The following SNRPN variants were observed in gnomAD, a reference collection of about 807,000 sequenced individuals.
SNRPN encodes small nuclear ribonucleoprotein polypeptide N, also known as small nuclear ribonucleoprotein-associated protein N.
A neutral mutation model predicts 25.2 loss-of-function variants in SNRPN; 7 were observed. That is an observed-to-expected ratio of 0.28 (90% confidence interval 0.16 to 0.52). The LOEUF (loss-of-function observed/expected upper bound fraction) is 0.52. Among genes scored for constraint, SNRPN ranks in the 20% least tolerant of loss-of-function variants. SNRPN has a pLI of 0.96. For missense variants in SNRPN, 196 were observed against 322.5 expected (o/e 0.61, Z 3.00); for synonymous variants, 124 against 110.6 (o/e 1.12, Z -0.76).
intron 1 of SNRPN, among the ~76,000 whole-genome samples, chr15:24,875,946 C>T (rs1005078474): frequency 1.3e-5 from 2 of 151,366 alleles, no homozygotes; most frequent in East Asian, 2.0e-4. Context: ...CCTAGCTACT[C>T]GGGAGGCTGA....
chr15:24,843,326 G>A (rs866295073), intron 2 of SNRPN, among the ~76,000 whole-genome samples: 7 of 152,242 alleles, frequency 4.6e-5, no homozygotes, highest in Admixed American at 2.6e-4. Flanking sequence ...AGATCTTAGC[G>A]CTGAGATGCT....
chr15:24,871,556 C>A (rs148924300), intron 1 of SNRPN, among the ~76,000 whole-genome samples: 4 of 151,854 alleles, frequency 2.6e-5, no homozygotes, highest in African/African-American at 9.7e-5. Context: ...TTTTTATGTG[C>A]CCTTTGGGGA....
chr15:24,924,795 T>A lies in SNRPN; in HGVS notation c.-391+4671T>A, dbSNP rs150447084. Among the ~76,000 whole-genome samples, 354 of 152,022 alleles carry A rather than the reference T, an allele frequency of 2.3e-3. 2 individuals carry two copies. The highest frequency in any genetic ancestry group is 8.0e-3 in the African/African-American group (331 of 41,482). ...TGAGTTACCATGCCCAGGCTAGGGG[T>A]GGCATTTCCTGAACTCCTTCAGCCC... On this transcript the variant is annotated intron_variant, in intron 3 of 11. Transcript: ENST00000400097.
At chr15:24,928,392 G>A (rs941110602) in intron 3 of SNRPN, among the ~76,000 whole-genome samples, 1 of 151,442 alleles carries the variant, frequency 6.6e-6, no homozygotes, top group Non-Finnish European at 1.5e-5. Context: ...ATACTATTTA[G>A]CCATAAAAAA....
At chr15:24,877,509 G>A (rs1419818367) in intron 1 of SNRPN, among the ~76,000 whole-genome samples, 1 of 152,224 alleles carries the variant, frequency 6.6e-6, no homozygotes, top group Non-Finnish European at 1.5e-5. Context: ...TAAACATAAT[G>A]CATAGATGCT....
At chr15:24,902,555 G>T (rs2058530549) in intron 2 of SNRPN, among the ~76,000 whole-genome samples, 1 of 152,124 alleles carries the variant, frequency 6.6e-6, no homozygotes, top group Admixed American at 6.5e-5. Flanking sequence ...GTGCACCCTG[G>T]CAGTGAGTGT....
At chr15:24,974,854 G>A in intron 4 of SNRPN, 1 of 697,180 alleles carries the variant, frequency 1.4e-6, no homozygotes, top group South Asian at 1.5e-5. Flanking sequence ...ATGAGCCACT[G>A]TGCCTGGCCA....
rs72120147 is a variant in SNRPN, at chr15:24,877,661, A to AACACACACAC, written c.-578-8829_-578-8820dup. ...CCAATATGGTGAAACATCTCTACAA[A>AACACACACAC]ACACACACACACACACACACACACA... is the stretch of plus-strand genomic sequence containing the variant. On this transcript the variant is annotated intron_variant, in intron 1 of 11. Coordinates refer to the SNRPN transcript ENST00000400097. 3.6e-3 allele frequency among the ~76,000 whole-genome samples: 515 copies of AACACACACAC among 144,750 alleles called. 3 individuals are homozygous for AACACACACAC. Among genetic ancestry groups the AACACACACAC allele is most frequent in the African/African-American group, 0.012 (468 of 39,070 alleles). 95.0% of individuals were successfully genotyped at this position (144,750 alleles called of 152,430 possible).
chr15:24,852,727 C>G (rs1163695197), upstream of SNRPN, among the ~76,000 whole-genome samples: 1 of 152,062 alleles, frequency 6.6e-6, no homozygotes. Context: ...CAATTCAAGA[C>G]CAATCTGGGC....
intron 1 of SNRPN, among the ~76,000 whole-genome samples, chr15:24,956,699 GA>G (rs1228004319): frequency 6.6e-6 from 1 of 152,218 alleles, no homozygotes; most frequent in African/African-American, 2.4e-5. Flanking sequence ...TGGCGCAGTA[GA>G]GGGGGGAGGA....
At chr15:24,955,515 G>A (rs908519573) in intron 1 of SNRPN, among the ~76,000 whole-genome samples, 3 of 151,126 alleles carry the variant, frequency 2.0e-5, no homozygotes, top group East Asian at 2.0e-4. Flanking sequence ...GCGAAGGTAC[G>A]TGAAGTGATC....
intron 2 of SNRPN, 123 bp from the exon 3 acceptor site, chr15:24,967,809 A>AG (rs1491148509): frequency 3.1e-5 from 2 of 64,830 alleles, no homozygotes; most frequent in African/African-American, 1.1e-4. Context: ...CCCTGTCTGG[A>AG]AAAAAAAAAA....
chr15:24,909,645 T>G (rs1344267438), intron 2 of SNRPN: 16 of 1,228,754 alleles, frequency 1.3e-5, no homozygotes, highest in Non-Finnish European at 1.8e-5. Flanking sequence ...TGACAAATGA[T>G]ATCTCTGTTT....
At chr15:24,975,305 A>G (rs981063236) in intron 4 of SNRPN, 53 bp from the exon 5 acceptor site, 2 of 1,475,318 alleles carry the variant, frequency 1.4e-6, no homozygotes, top group African/African-American at 1.4e-5. Context: ...GGAGAAGATT[A>G]GAAGACTAGG....
In SNRPN at chr15:24,977,819, T is replaced by A. The variant is rs368621460; in HGVS notation, c.462T>A (p.Ala154=). The A allele has an allele frequency of 2.5e-4, 405 of 1,613,072 alleles. No individual in the cohort carries two copies. Among genetic ancestry groups the A allele is most frequent in the Non-Finnish European group, 3.3e-4 (392 of 1,179,390 alleles). Residue 154 remains alanine (A), a synonymous_variant, in exon 8 of 10, where the codon GCT becomes GCA. Transcript: ENST00000390687. ...PQGRGTVAAA[A]VAATASIAGA... is the part of the protein sequence containing the mutation. Reference sequence around the variant, plus strand: ...GAAGAGGCACTGTAGCAGCTGCTGCTGTTGCTGCGACTGCCAGTATTGCTG... The same window carrying A: ...GAAGAGGCACTGTAGCAGCTGCTGCAGTTGCTGCGACTGCCAGTATTGCTG...
At chr15:24,895,447 C>G (rs1448805517) in intron 2 of SNRPN, among the ~76,000 whole-genome samples, 1 of 150,404 alleles carries the variant, frequency 6.6e-6, no homozygotes, top group Non-Finnish European at 1.5e-5. Context: ...ACACGGACAA[C>G]ACATTCCCTA....
rs112336820 is a variant in SNRPN at position 24,871,927 on chromosome 15, G to C, written c.-578-14589G>C. ...TCACCATGTTAGCCAGGATGGTCTCGATCTCCTGACTTCATGATTCGCCCA... is the reference window on the plus strand; with the variant it reads ...TCACCATGTTAGCCAGGATGGTCTCCATCTCCTGACTTCATGATTCGCCCA... On this transcript the variant is annotated intron_variant, in intron 1 of 11. Coordinates refer to the SNRPN transcript ENST00000400097. 1.6e-3 allele frequency among the ~76,000 whole-genome samples: 190 copies of C among 118,362 alleles called. 55 individuals are homozygous for C. Among genetic ancestry groups the C allele is most frequent in the Non-Finnish European group, 2.8e-3 (151 of 54,178 alleles). 77.7% of individuals were successfully genotyped at this position (118,362 alleles called of 152,430 possible).
chr15:24,870,405 C>T (rs12441173), intron 1 of SNRPN, among the ~76,000 whole-genome samples: 65,410 of 151,930 alleles, frequency 0.43, 14,729 homozygotes, highest in East Asian at 0.67. Flanking sequence ...CATATATAAC[C>T]TGATTAACTT....
intron 2 of SNRPN, among the ~76,000 whole-genome samples, chr15:24,835,775 C>T (rs1311245064): frequency 6.6e-6 from 1 of 152,184 alleles, no homozygotes; most frequent in African/African-American, 2.4e-5. Flanking sequence ...TGTTACTAAT[C>T]CAGAGAGAAA....
Sources: allele counts gnomAD v4.1 joint callset (sites outside exome capture counted in the v4.1 genomes callset), GRCh38; gene constraint gnomAD v4.1.1; transcripts MANE v1.5; gene names NCBI Gene and HGNC (gene_info 2026-07-23, HGNC 2026-07-21).